Variants in OCIAD2 observed in about 807,000 individuals in gnomAD.
The protein encoded by OCIAD2 is OCIA domain-containing protein 2.
Under a neutral mutation model 22.9 loss-of-function variants are expected in OCIAD2, and 29 were observed. That is an observed-to-expected ratio of 1.27 (90% CI 0.94 to 1.73). The LOEUF is 1.73. Among genes scored for constraint, OCIAD2 ranks in the 40% most tolerant of loss-of-function variants. The pLI, the probability that OCIAD2 is intolerant of heterozygous loss-of-function variation, is 0.00. For synonymous variants in OCIAD2, 67 were observed against 60.2 expected, an observed-to-expected ratio of 1.11 and a Z score of -0.52; for missense variants, 189 against 180.3, an observed-to-expected ratio of 1.05 and a Z score of -0.28.
chr4:48,901,525 T>A (rs1368482492), intron 2 of OCIAD2, among the ~76,000 whole-genome samples: 1 of 128,068 alleles, frequency 7.8e-6, no homozygotes, highest in Admixed American at 7.5e-5. Flanking sequence ...TCCAGTTTTC[T>A]AAGCTGATAG....
intron 6 of OCIAD2, among the ~76,000 whole-genome samples, chr4:48,887,562 C>A (rs1165963387): frequency 6.6e-6 from 1 of 152,192 alleles, no homozygotes; most frequent in African/African-American, 2.4e-5. Flanking sequence ...ATATGGCTAG[C>A]CAGTTTTCCC....
chr4:48,892,765 T>G lies in OCIAD2; in HGVS notation c.383+7A>C. 1 of 1,441,762 alleles carries G rather than the reference T, an allele frequency of 6.9e-7. No homozygotes were observed. The highest frequency in any genetic ancestry group is 9.7e-7 in the Non-Finnish European group (1 of 1,034,552). 89.3% of individuals were successfully genotyped at this position (1,441,762 alleles called of 1,614,324 possible). A position where few individuals can be genotyped will look rare whatever the true frequency, so the allele number is the denominator to read the frequency against. ...ATTACAATCCCTCAACCAAACAGAT[T>G]ACAAACCTGTTATGCTGTGGACCAA... On this transcript the variant is annotated splice_region_variant and intron_variant, in intron 6 of 6. Transcript: ENST00000508632.
intron 2 of OCIAD2, among the ~76,000 whole-genome samples, chr4:48,904,130 A>AT (rs765608091): frequency 1.3e-4 from 20 of 151,784 alleles, no homozygotes; most frequent in Non-Finnish European, 2.5e-4. Flanking sequence ...TATGATATAT[A>AT]TTTTTTCAGA....
At chr4:48,893,731 A>G in intron 5 of OCIAD2, 1 of 224,632 alleles carries the variant, frequency 4.5e-6, no homozygotes, top group East Asian at 9.0e-5. Context: ...AGAAATGCAG[A>G]GTGGCAGAAA....
intron 6 of OCIAD2, 70 bp from the exon 7 acceptor site, chr4:48,885,635 A>T: frequency 1.3e-6 from 1 of 776,714 alleles, no homozygotes; most frequent in Non-Finnish European, 2.2e-6. Flanking sequence ...TACATAACAT[A>T]TTATTCTTAT....
chr4:48,898,412 G>A (rs1358198640), intron 3 of OCIAD2, among the ~76,000 whole-genome samples: 2 of 152,144 alleles, frequency 1.3e-5, no homozygotes, highest in African/African-American at 4.8e-5. Flanking sequence ...TACTTCAGCA[G>A]TTGTCTTCTA....
At chr4:48,888,286 G>C (rs1348702745) in intron 6 of OCIAD2, among the ~76,000 whole-genome samples, 2 of 152,144 alleles carry the variant, frequency 1.3e-5, no homozygotes, top group African/African-American at 4.8e-5. Flanking sequence ...CTGCAAATAG[G>C]AACGATCTGA....
At chr4:48,906,394 G>C (rs1388834478) in intron 1 of OCIAD2, among the ~76,000 whole-genome samples, 1 of 152,158 alleles carries the variant, frequency 6.6e-6, no homozygotes, top group South Asian at 2.1e-4. Context: ...GACGGCGGAC[G>C]GGGGACACTG....
intron 6 of OCIAD2, among the ~76,000 whole-genome samples, chr4:48,892,166 T>G (rs554034106): frequency 6.6e-6 from 1 of 152,260 alleles, no homozygotes; most frequent in Non-Finnish European, 1.5e-5. Context: ...AAATAGCTAA[T>G]GTTTACTGAG....
rs1781534062 is a variant in OCIAD2, at chr4:48,906,644, G to A, written c.-63+14C>T. 1.3e-5 allele frequency: 2 copies of A among 152,902 alleles called. No individual in the cohort carries two copies. Among genetic ancestry groups the A allele is most frequent in the African/African-American group, 2.4e-5 (1 of 41,464 alleles). The allele number at this position is 152,902 out of a possible 1,614,324, so 9.5% of individuals were successfully genotyped here. A position where few individuals can be genotyped will look rare whatever the true frequency, so the allele number is the denominator to read the frequency against. Reference sequence around the variant, plus strand: ...CCCCTCCCGCCGTCAACACTCCCCGGGGCGGGGGCTCACCTGTGTGGTCTG... The same window carrying A: ...CCCCTCCCGCCGTCAACACTCCCCGAGGCGGGGGCTCACCTGTGTGGTCTG... On this transcript the variant is annotated intron_variant, in intron 1 of 6. Coordinates refer to ENST00000508632, the MANE Select transcript of OCIAD2 (RefSeq NM_001014446.3).
chr4:48,899,728 A>G, intron 3 of OCIAD2, 101 bp downstream of exon 3: 4 of 779,788 alleles, frequency 5.1e-6, no homozygotes, highest in Non-Finnish European at 8.3e-6. Flanking sequence ...AGTTCATCAG[A>G]TATTTATGCA....
chr4:48,887,690 G>T (rs2109664613), intron 6 of OCIAD2, among the ~76,000 whole-genome samples: 1 of 152,180 alleles, frequency 6.6e-6, no homozygotes, highest in African/African-American at 2.4e-5. Context: ...TGTTCCATTG[G>T]TCTATATCTC....
At chr4:48,904,731 A>G in intron 1 of OCIAD2, 120 bp from the exon 2 acceptor site, 1 of 625,546 alleles carries the variant, frequency 1.6e-6, no homozygotes, top group Non-Finnish European at 2.8e-6. Context: ...TCATTAGTCC[A>G]TCTGCAAACT....
chr4:48,904,871 TGAA>T (rs1781494159), intron 1 of OCIAD2, among the ~76,000 whole-genome samples: 1 of 152,004 alleles, frequency 6.6e-6, no homozygotes, highest in African/African-American at 2.4e-5. Flanking sequence ...CCAGGGGATA[TGAA>T]GAAGGATAAG....
At chr4:48,888,719 G>A (rs183180754) in intron 6 of OCIAD2, among the ~76,000 whole-genome samples, 204 of 152,260 alleles carry the variant, frequency 1.3e-3, no homozygotes, top group African/African-American at 4.6e-3. Flanking sequence ...TTTTTGATGC[G>A]CTGCTGTATT....
intron 2 of OCIAD2, among the ~76,000 whole-genome samples, chr4:48,901,821 C>T (rs1394294587): frequency 6.6e-6 from 1 of 152,150 alleles, no homozygotes; most frequent in Non-Finnish European, 1.5e-5. Context: ...TAGCTCACTG[C>T]AGCCTCGAAC....
At chr4:48,890,286 G>A (rs1004387252) in intron 6 of OCIAD2, among the ~76,000 whole-genome samples, 2 of 151,904 alleles carry the variant, frequency 1.3e-5, no homozygotes, top group African/African-American at 2.4e-5. Context: ...GTTGTTGCTT[G>A]GTTTATGACC....
chr4:48,897,910 C>T (rs1781336070), intron 3 of OCIAD2, 53 bp from the exon 4 acceptor site: 1 of 1,295,278 alleles, frequency 7.7e-7, no homozygotes, highest in Non-Finnish European at 1.1e-6. Flanking sequence ...TGGCACCTCA[C>T]CTAGAAGTTA....
At chr4:48,902,634 C>T (rs1435370082) in intron 2 of OCIAD2, among the ~76,000 whole-genome samples, 1 of 152,158 alleles carries the variant, frequency 6.6e-6, no homozygotes, top group African/African-American at 2.4e-5. Context: ...GACTGCCTCC[C>T]CTTAATAAAC....
Sources: gnomAD v4.1 joint callset for allele counts (sites outside exome capture counted in the v4.1 genomes callset) on GRCh38, gnomAD v4.1.1 for gene constraint, MANE v1.5 for transcripts, NCBI Gene and HGNC (gene_info 2026-07-23, HGNC 2026-07-21) for gene names.